RALA: variants seen among roughly 807,000 people sequenced by gnomAD.
The protein encoded by RALA is ras-related protein Ral-A.
RALA carries 5 observed loss-of-function variants against 24.0 expected under a neutral mutation model. The ratio of observed to expected loss-of-function variants is 0.21; its 90% CI spans 0.11 to 0.44. RALA has a LOEUF of 0.44. RALA is among the 20% of genes least tolerant of loss of function. RALA has a pLI of 0.99. For synonymous variants in RALA, 77 were observed against 83.8 expected, an observed-to-expected ratio of 0.92 and a Z score of 0.44; for missense variants, 95 against 241.2, an observed-to-expected ratio of 0.39 and a Z score of 4.01.
chr7:39,683,702 G>A (rs1792645649), intron 1 of RALA, among the ~76,000 whole-genome samples: 1 of 152,016 alleles, frequency 6.6e-6, no homozygotes, highest in Admixed American at 6.6e-5. Context: ...ATAGTTATTA[G>A]GAAATGTTTG....
chr7:39,644,865 C>CT (rs1393065258), intron 1 of RALA, among the ~76,000 whole-genome samples: 1 of 152,152 alleles, frequency 6.6e-6, no homozygotes, highest in Non-Finnish European at 1.5e-5. Flanking sequence ...ACCATTGAGA[C>CT]TAAAAAGTAG....
chr7:39,676,829 T>C (rs1318093139), intron 1 of RALA, among the ~76,000 whole-genome samples: 26 of 152,194 alleles, frequency 1.7e-4, no homozygotes, highest in Admixed American at 1.7e-3. Flanking sequence ...AGAGTCTGGA[T>C]TGGAGATCTG....
At chr7:39,682,262 A>G (rs1310980263) in intron 1 of RALA, among the ~76,000 whole-genome samples, 4 of 152,216 alleles carry the variant, frequency 2.6e-5, no homozygotes, top group Admixed American at 6.5e-5. Flanking sequence ...GGTTGTCCTC[A>G]GTATAGGTGG....
At chr7:39,676,405 A>T (rs1226226983) in intron 1 of RALA, among the ~76,000 whole-genome samples, 2 of 152,202 alleles carry the variant, frequency 1.3e-5, no homozygotes, top group Non-Finnish European at 2.9e-5. Context: ...AAAACAGGTT[A>T]TGTATCCTTT....
intron 1 of RALA, among the ~76,000 whole-genome samples, chr7:39,645,703 G>C (rs879690904): frequency 1.7e-4 from 26 of 152,320 alleles, no homozygotes; most frequent in Admixed American, 1.4e-3. Flanking sequence ...AATAGGCACT[G>C]GCACTTAATC....
Position 39,681,302 on chromosome 7 carries a change from C to CTTTTTTTTTTTTTTTTTTTTTTTT in RALA, c.-37-5319_-37-5296dup, listed in dbSNP as rs70996832. Among the ~76,000 whole-genome samples the CTTTTTTTTTTTTTTTTTTTTTTTT allele has an allele frequency of 6.0e-5, 3 of 50,048 alleles. 1 individual carries two copies. The highest frequency in any genetic ancestry group is 1.1e-4 in the Non-Finnish European group (3 of 28,088). The allele number at this position is 50,048 out of a possible 152,430, so 32.8% of individuals were successfully genotyped here. ...TCCTCAACCCAAACCCACCCTATTC[C>CTTTTTTTTTTTTTTTTTTTTTTTT]TTTTTTTTTTTTTTTTTTTTTTTTT... On this transcript the variant is annotated intron_variant, in intron 1 of 4. Coordinates refer to ENST00000005257, the MANE Select transcript of RALA (RefSeq NM_005402.4).
chr7:39,667,163 G>C (rs1053133947), intron 1 of RALA, among the ~76,000 whole-genome samples: 2 of 152,132 alleles, frequency 1.3e-5, no homozygotes, highest in Non-Finnish European at 2.9e-5. Flanking sequence ...TTGAAAAATA[G>C]TATTCTTTAA....
intron 1 of RALA, chr7:39,624,310 GTT>G (rs35116603): frequency 6.5e-5 from 9 of 138,364 alleles, no homozygotes; most frequent in African/African-American, 8.2e-5. Context: ...GTTTGTTTGT[GTT>G]TTTTTTTTTT....
intron 1 of RALA, among the ~76,000 whole-genome samples, chr7:39,676,166 G>A (rs111965944): frequency 1.1e-3 from 170 of 152,140 alleles, no homozygotes; most frequent in African/African-American, 3.8e-3. Flanking sequence ...TAGTAGATAC[G>A]GGGTTCCACT....
At chr7:39,648,395 G>A (rs552376883) in intron 1 of RALA, among the ~76,000 whole-genome samples, 1 of 151,556 alleles carries the variant, frequency 6.6e-6, no homozygotes, top group African/African-American at 2.4e-5. Flanking sequence ...TTGCCAGTAA[G>A]TTTTCCATCA....
At chr7:39,695,697 C>G (rs1040901031) in intron 3 of RALA, among the ~76,000 whole-genome samples, 2 of 152,100 alleles carry the variant, frequency 1.3e-5, no homozygotes, top group Non-Finnish European at 2.9e-5. Context: ...AGCCACTGCA[C>G]CTGGCTGTTT....
At chr7:39,647,290 C>T (rs752693128) in intron 1 of RALA, among the ~76,000 whole-genome samples, 7 of 152,122 alleles carry the variant, frequency 4.6e-5, no homozygotes, top group South Asian at 2.1e-4. Context: ...TGGTACACCC[C>T]CCTTGATCTC....
intron 1 of RALA, 189 bp downstream of exon 1, chr7:39,624,014 C>A (rs1022717859): frequency 1.3e-5 from 2 of 152,202 alleles, no homozygotes; most frequent in African/African-American, 4.8e-5. Flanking sequence ...CCGCGTTCGC[C>A]GCTGTGGGGC....
chr7:39,637,425 T>A (rs916975068), intron 1 of RALA, among the ~76,000 whole-genome samples: 3 of 152,244 alleles, frequency 2.0e-5, no homozygotes, highest in African/African-American at 7.2e-5. Context: ...ACCTGTAACT[T>A]AAAGATTTTA....
At chr7:39,625,382 G>C (rs1278372711) in intron 1 of RALA, among the ~76,000 whole-genome samples, 1 of 152,232 alleles carries the variant, frequency 6.6e-6, no homozygotes, top group African/African-American at 2.4e-5. Flanking sequence ...TTAGTAGGAA[G>C]AGACTGCCTG....
intron 1 of RALA, among the ~76,000 whole-genome samples, chr7:39,685,434 A>G (rs891588622): frequency 6.6e-6 from 1 of 152,232 alleles, no homozygotes; most frequent in Non-Finnish European, 1.5e-5. Context: ...TGTCCGAAAC[A>G]AGTCAAAGAG....
chr7:39,681,928 C>T (rs547531402), intron 1 of RALA, among the ~76,000 whole-genome samples: 1 of 152,296 alleles, frequency 6.6e-6, no homozygotes, highest in African/African-American at 2.4e-5. Context: ...GTATAGATGC[C>T]TAACATTCAG....
intron 4 of RALA, among the ~76,000 whole-genome samples, chr7:39,701,847 G>A (rs544876601): frequency 2.0e-5 from 3 of 152,326 alleles, no homozygotes; most frequent in South Asian, 4.1e-4. Context: ...ATCACTCCGA[G>A]GCTAAAGGAA....
intron 4 of RALA, chr7:39,702,973 CA>C (rs1398957950): frequency 6.6e-6 from 1 of 152,116 alleles, no homozygotes; most frequent in East Asian, 1.9e-4. Flanking sequence ...TGTATAGTTT[CA>C]AATACCTGAA....
Sources: allele counts gnomAD v4.1 joint callset (sites outside exome capture counted in the v4.1 genomes callset), GRCh38; gene constraint gnomAD v4.1.1; transcripts MANE v1.5; gene names NCBI Gene and HGNC (gene_info 2026-07-23, HGNC 2026-07-21).